The following AKAP13 variants were observed in gnomAD, a reference collection of about 807,000 sequenced individuals.
AKAP13 encodes A-kinase anchor protein 13.
Under a neutral mutation model 264.5 loss-of-function variants are expected in AKAP13, and 80 were observed. The ratio of observed to expected loss-of-function variants is 0.30; its 90% CI spans 0.25 to 0.36. The LOEUF is 0.36. Among genes scored for constraint, AKAP13 ranks in the 10% least tolerant of loss-of-function variants. The pLI is 1.00. For synonymous variants in AKAP13, 1,380 were observed against 1,250.2 expected, an observed-to-expected ratio of 1.10 and a Z score of -2.19; for missense variants, 3,712 against 3,435.2, an observed-to-expected ratio of 1.08 and a Z score of -2.01.
At chr15:85,637,455 T>C (rs2082113517) in intron 8 of AKAP13, among the ~76,000 whole-genome samples, 1 of 152,226 alleles carries the variant, frequency 6.6e-6, no homozygotes, top group African/African-American at 2.4e-5. Flanking sequence ...CTTTATTTTT[T>C]CAATATCTAT....
intron 3 of AKAP13, among the ~76,000 whole-genome samples, chr15:85,526,661 A>G (rs1322437365): frequency 6.6e-6 from 1 of 152,136 alleles, no homozygotes; most frequent in Non-Finnish European, 1.5e-5. Context: ...GAAGTTGTAG[A>G]CTTTTAATTT....
intron 1 of AKAP13, among the ~76,000 whole-genome samples, chr15:85,468,342 T>TA (rs1187515744): frequency 3.9e-5 from 6 of 152,202 alleles, no homozygotes; most frequent in African/African-American, 1.4e-4. Context: ...CACACTGTGT[T>TA]ATGACTTTTC....
chr15:85,567,103 A>T (rs2078632689), intron 5 of AKAP13, among the ~76,000 whole-genome samples: 1 of 152,046 alleles, frequency 6.6e-6, no homozygotes, highest in Admixed American at 6.6e-5. Context: ...TTTAAGAGAT[A>T]CAAGTGCAGT....
intron 19 of AKAP13, among the ~76,000 whole-genome samples, chr15:85,712,480 T>G (rs2086682239): frequency 1.3e-5 from 2 of 152,332 alleles, no homozygotes; most frequent in African/African-American, 2.4e-5. Context: ...TTTCATGTCT[T>G]TCTTAAAAAC....
At chr15:85,620,178 G>A (rs1353641015) in intron 8 of AKAP13, 1 of 1,535,284 alleles carries the variant, frequency 6.5e-7, no homozygotes. Flanking sequence ...TGAAGGTAAG[G>A]GGGGCTGCAC....
Position 85,429,746 on chromosome 15 carries a change from C to A in AKAP13, c.-12+48948C>A, listed in dbSNP as rs74711581. Among the ~76,000 whole-genome samples the A allele has an allele frequency of 6.5e-3, 987 of 152,248 alleles. 62 individuals carry two copies. In the East Asian group the frequency reaches 0.15, roughly 22 times the overall value. On this transcript the variant is annotated intron_variant, in intron 1 of 36. Coordinates refer to ENST00000394518, the MANE Select transcript of AKAP13 (RefSeq NM_007200.5). ...CAGTCCTGGCTCTGGATGAGAATAT[C>A]CTGGCGAGATTTTAATTCAGTAGGT...
intron 1 of AKAP13, among the ~76,000 whole-genome samples, chr15:85,459,094 G>A (rs75230893): frequency 0.038 from 5,842 of 152,258 alleles, 132 homozygotes; most frequent in South Asian, 0.065. Flanking sequence ...TCTTTCTGGT[G>A]CTCATTGTCA....
chr15:85,735,214 G>T, intron 31 of AKAP13, 64 bp downstream of exon 31: 2 of 1,560,934 alleles, frequency 1.3e-6, no homozygotes, highest in South Asian at 2.4e-5. Context: ...AACTCAAAAT[G>T]ACTTGTACTT....
chr15:85,729,447 G>A (rs1341837161), intron 29 of AKAP13, among the ~76,000 whole-genome samples: 1 of 152,200 alleles, frequency 6.6e-6, no homozygotes, highest in Non-Finnish European at 1.5e-5. Flanking sequence ...AAGGGAGGAG[G>A]TAGTGGGCTG....
At chr15:85,615,216 C>G (rs904636556) in intron 8 of AKAP13, among the ~76,000 whole-genome samples, 2 of 152,186 alleles carry the variant, frequency 1.3e-5, no homozygotes, top group African/African-American at 4.8e-5. Context: ...AAGTTTTCTT[C>G]TTGCAAAGAT....
intron 5 of AKAP13, among the ~76,000 whole-genome samples, chr15:85,556,297 T>C (rs2151247715): frequency 6.6e-6 from 1 of 152,372 alleles, no homozygotes; most frequent in East Asian, 1.9e-4. Flanking sequence ...GCTATACTTT[T>C]ATATGACTGG....
At chr15:85,743,059 C>G (rs943359429) in intron 35 of AKAP13, among the ~76,000 whole-genome samples, 1 of 152,062 alleles carries the variant, frequency 6.6e-6, no homozygotes, top group African/African-American at 2.4e-5. Flanking sequence ...TTGGTGTAAG[C>G]TCGGCTTTTC....
chr15:85,465,517 A>G (rs1403804092), intron 1 of AKAP13, among the ~76,000 whole-genome samples: 3 of 96,040 alleles, frequency 3.1e-5, no homozygotes, highest in Non-Finnish European at 5.9e-5. Context: ...CCACCCCACA[A>G]CAGTCACCAG....
At chr15:85,430,788 A>G (rs555877672) in intron 1 of AKAP13, among the ~76,000 whole-genome samples, 107 of 152,306 alleles carry the variant, frequency 7.0e-4, no homozygotes, top group African/African-American at 2.2e-3. Context: ...TAATATTTAT[A>G]ATACCTGTGT....
Position 85,462,949 on chromosome 15 carries a change from G to C in AKAP13, c.-11-22761G>C, listed in dbSNP as rs183613498. 7.2e-3 allele frequency among the ~76,000 whole-genome samples: 1,064 copies of C among 147,090 alleles called. 21 individuals are homozygous for C. Among genetic ancestry groups the C allele is most frequent in the African/African-American group, 0.025 (1,009 of 40,034 alleles). ...TGAGGCAGGAGAATGGCGTGAACCC[G>C]GGAGGCGGAGCTTGCAGTGAGCCGA... On this transcript the variant is annotated intron_variant, in intron 1 of 36. Transcript: ENST00000394518.
At chr15:85,630,287 G>A (rs1197560517) in intron 8 of AKAP13, among the ~76,000 whole-genome samples, 10 of 89,876 alleles carry the variant, frequency 1.1e-4, no homozygotes, top group Non-Finnish European at 2.4e-4. Context: ...AACTAAGATG[G>A]AAAATTGTAA....
intron 36 of AKAP13, 95 bp downstream of exon 36, chr15:85,743,920 G>A (rs573423629): frequency 2.7e-5 from 37 of 1,395,660 alleles, no homozygotes; most frequent in South Asian, 7.2e-5. Flanking sequence ...TTGAAAAGGG[G>A]ACAGTTCAGA....
At chr15:85,682,062 T>C (rs1291873827) in intron 14 of AKAP13, 96 bp from the exon 15 acceptor site, 3 of 1,176,592 alleles carry the variant, frequency 2.5e-6, no homozygotes, top group Non-Finnish European at 3.8e-6. Context: ...ACACGCTGTT[T>C]TTGCTTTAGC....
intron 2 of AKAP13, among the ~76,000 whole-genome samples, chr15:85,504,363 A>C (rs576904307): frequency 6.6e-6 from 1 of 152,062 alleles, no homozygotes; most frequent in African/African-American, 2.4e-5. Context: ...CTTTCATTAA[A>C]TTTTTATGGA....
Sources: allele counts gnomAD v4.1 joint callset (sites outside exome capture counted in the v4.1 genomes callset), GRCh38; gene constraint gnomAD v4.1.1; transcripts MANE v1.5; gene names NCBI Gene and HGNC (gene_info 2026-07-23, HGNC 2026-07-21).